Variants in HERC5 observed in about 807,000 individuals in gnomAD.
HERC5 encodes HECT and RLD domain containing E3 ubiquitin protein ligase 5, also known as E3 ISG15--protein ligase HERC5.
A neutral mutation model predicts 119.6 loss-of-function variants in HERC5; 99 were observed. That is an observed-to-expected ratio of 0.83 (90% CI 0.70 to 0.98). HERC5 has a LOEUF of 0.98. HERC5 is among the 50% of genes least tolerant of loss of function. HERC5 has a pLI of 0.00. For synonymous variants in HERC5, 478 were observed against 445.9 expected (o/e 1.07, Z -0.91); for missense variants, 1,267 against 1,241.3 (o/e 1.02, Z -0.31).
chr4:88,467,603 C>G (rs1031677991), intron 7 of HERC5, among the ~76,000 whole-genome samples: 3 of 152,240 alleles, frequency 2.0e-5, no homozygotes, highest in Admixed American at 6.5e-5. Context: ...CAACGTATAC[C>G]TGGCACTGAA....
chr4:88,483,514 A>G (rs867341043), intron 13 of HERC5, among the ~76,000 whole-genome samples: 22 of 126,468 alleles, frequency 1.7e-4, no homozygotes, highest in Non-Finnish European at 3.4e-4. Flanking sequence ...CACCGGCTCT[A>G]TAGGCTTTTT....
chr4:88,460,022 T>G (rs975630313), intron 2 of HERC5, 73 bp from the exon 3 acceptor site: 2 of 797,914 alleles, frequency 2.5e-6, no homozygotes, highest in Non-Finnish European at 4.2e-6. Flanking sequence ...AATTAAATAC[T>G]ATTAATAGTT....
Position 88,489,173 on chromosome 4 carries a change from A to G in HERC5, c.1970A>G (p.Lys657Arg), listed in dbSNP as rs1332200110. 6.2e-7 allele frequency: 1 copy of G among 1,601,216 alleles called. No individual in the cohort carries two copies. Among genetic ancestry groups the G allele is most frequent in the African/African-American group, 1.3e-5 (1 of 74,164 alleles). Reference sequence around the variant, plus strand: ...CTGTTTCTGTTTTCCTAGAGTAAAAAACATAAAGCTTATCTTAGGTCGGCA... The same window carrying G: ...CTGTTTCTGTTTTCCTAGAGTAAAAGACATAAAGCTTATCTTAGGTCGGCA... Reference protein sequence around the residue: ...TDTLLKIESKKHKAYLRSAAI... With the variant: ...TDTLLKIESKRHKAYLRSAAI... Residue 657 changes from lysine to arginine, a missense_variant, in exon 16 of 23, where the codon AAA (lysine) becomes AGA (arginine). Lys to Arg is a conservative substitution (Grantham distance 26). Transcript: ENST00000264350.
intron 16 of HERC5, 97 bp from the exon 17 acceptor site, chr4:88,492,915 C>A: frequency 8.3e-7 from 1 of 1,204,176 alleles, no homozygotes; most frequent in Non-Finnish European, 1.2e-6. Context: ...TACTTGGGTC[C>A]ACAATTAATG....
intron 6 of HERC5, among the ~76,000 whole-genome samples, chr4:88,466,717 T>G (rs1172406815): frequency 6.6e-6 from 1 of 152,256 alleles, no homozygotes; most frequent in Non-Finnish European, 1.5e-5. Context: ...GGAACTCAAC[T>G]GAGTCTTCCA....
At chr4:88,486,316 A>G (rs1741463655) in intron 14 of HERC5, 88 bp downstream of exon 14, 2 of 720,062 alleles carry the variant, frequency 2.8e-6, no homozygotes, top group Non-Finnish European at 4.7e-6. Context: ...CACAATAGAA[A>G]TAGCAGGACT....
At chr4:88,483,666 A>G (rs1049467910) in intron 13 of HERC5, among the ~76,000 whole-genome samples, 2 of 151,784 alleles carry the variant, frequency 1.3e-5, no homozygotes, top group East Asian at 3.9e-4. Flanking sequence ...GTAGCCAGGA[A>G]TATAGGCACA....
intron 13 of HERC5, 95 bp from the exon 14 acceptor site, chr4:88,486,020 T>G (rs1277767295): frequency 4.4e-6 from 3 of 674,174 alleles, no homozygotes; most frequent in Non-Finnish European, 7.7e-6. Context: ...ATAAGAGTGT[T>G]TCATTTATAA....
intron 6 of HERC5, among the ~76,000 whole-genome samples, chr4:88,465,179 T>A (rs1289116271): frequency 6.6e-6 from 1 of 151,974 alleles, no homozygotes; most frequent in African/African-American, 2.4e-5. Flanking sequence ...CCCCTCAGAG[T>A]GTTGGGATTA....
At chr4:88,503,969 A>C (rs1467031894) in intron 20 of HERC5, among the ~76,000 whole-genome samples, 1 of 152,138 alleles carries the variant, frequency 6.6e-6, no homozygotes, top group Non-Finnish European at 1.5e-5. Flanking sequence ...TGGGAGGCTA[A>C]GGCAGGAGAA....
At chr4:88,482,309 C>CAA (rs79103658) in intron 13 of HERC5, among the ~76,000 whole-genome samples, 3 of 91,690 alleles carry the variant, frequency 3.3e-5, no homozygotes, top group Non-Finnish European at 4.5e-5. Flanking sequence ...GACTCCATCT[C>CAA]AAAAAAAAAA....
At chr4:88,498,359 G>A (rs949068063) in intron 18 of HERC5, among the ~76,000 whole-genome samples, 2 of 152,178 alleles carry the variant, frequency 1.3e-5, no homozygotes, top group African/African-American at 4.8e-5. Context: ...CATGGGTGTA[G>A]GGCTGCCTGG....
chr4:88,505,905 T>TTTGTTGTTGTTATCGTTGTTG lies in HERC5; in HGVS notation c.*39_*59dup. 1 of 1,535,376 alleles carries TTTGTTGTTGTTATCGTTGTTG rather than the reference T, an allele frequency of 6.5e-7. No homozygotes were observed. The highest frequency in any genetic ancestry group is 1.2e-5 in the South Asian group (1 of 85,516). On this transcript the variant is annotated 3_prime_UTR_variant, in exon 23 of 23. Coordinates refer to ENST00000264350, the MANE Select transcript of HERC5 (RefSeq NM_016323.4). The stretch of plus-strand genomic sequence containing the variant: ...CAGCTTGCTTGTCCAACAGCCTTAT[T>TTTGTTGTTGTTATCGTTGTTG]TTGTTGTTGTTATCGTTGTTGTTGT...
At chr4:88,483,244 C>T (rs1578057053) in intron 13 of HERC5, among the ~76,000 whole-genome samples, 1 of 152,004 alleles carries the variant, frequency 6.6e-6, no homozygotes, top group Non-Finnish European at 1.5e-5. Flanking sequence ...TGGAGTCTCA[C>T]TCTGCCCAGG....
chr4:88,460,321 A>T (rs556195586), intron 3 of HERC5, 150 bp downstream of exon 3: 10 of 459,026 alleles, frequency 2.2e-5, no homozygotes, highest in Non-Finnish European at 3.1e-5. Context: ...AAGTAAATAC[A>T]TAATGAGAGA....
chr4:88,497,813 G>A (rs1432086944), intron 18 of HERC5, among the ~76,000 whole-genome samples: 1 of 152,142 alleles, frequency 6.6e-6, no homozygotes, highest in Non-Finnish European at 1.5e-5. Context: ...TATTCATCAC[G>A]ACAATGGAAG....
chr4:88,493,559 C>T (rs1350619830), intron 17 of HERC5, among the ~76,000 whole-genome samples: 1 of 152,040 alleles, frequency 6.6e-6, no homozygotes, highest in African/African-American at 2.4e-5. Context: ...CTTTTAGGAA[C>T]CAAAACTGTG....
chr4:88,472,309 A>C (rs888152471), intron 10 of HERC5, 100 bp from the exon 11 acceptor site: 2 of 705,578 alleles, frequency 2.8e-6, no homozygotes, highest in African/African-American at 3.6e-5. Flanking sequence ...TACACACTTG[A>C]GAAAAAAGGT....
chr4:88,504,688 T>A (rs1361057910), intron 22 of HERC5, 91 bp downstream of exon 22: 3 of 648,184 alleles, frequency 4.6e-6, no homozygotes, highest in Non-Finnish European at 4.9e-6. Context: ...TTGCAACAGA[T>A]CATAGTGTCA....
Sources: gnomAD v4.1 joint callset for allele counts (sites outside exome capture counted in the v4.1 genomes callset) on GRCh38, gnomAD v4.1.1 for gene constraint, MANE v1.5 for transcripts, NCBI Gene and HGNC (gene_info 2026-07-23, HGNC 2026-07-21) for gene names.